KSR2: variants seen among roughly 807,000 people sequenced by gnomAD.
The protein encoded by KSR2 is kinase suppressor of ras 2.
KSR2 carries 25 observed loss-of-function variants against 107.8 expected under a neutral mutation model. That is an observed-to-expected ratio of 0.23 (90% CI 0.17 to 0.32). The LOEUF (loss-of-function observed/expected upper bound fraction) is 0.32, where lower values mean the gene tolerates loss of function less well. Among genes scored for constraint, KSR2 ranks in the 10% least tolerant of loss-of-function variants. The pLI is 1.00. For synonymous variants in KSR2, 480 were observed against 507.0 expected (o/e 0.95, Z 0.71); for missense variants, 887 against 1,268.9 (o/e 0.70, Z 4.57).
At chr12:117,594,611 A>G (rs547265231) in intron 5 of KSR2, among the ~76,000 whole-genome samples, 5 of 152,308 alleles carry the variant, frequency 3.3e-5, no homozygotes, top group East Asian at 1.9e-4. Context: ...CTCTGCTGCA[A>G]CAGGGCCATG....
chr12:117,590,635 C>G (rs905874479), intron 5 of KSR2, among the ~76,000 whole-genome samples: 1 of 152,144 alleles, frequency 6.6e-6, no homozygotes, highest in African/African-American at 2.4e-5. Flanking sequence ...TCTGTACGGA[C>G]TATGACTTAG....
At chr12:117,837,035 G>A (rs1477025063) in intron 3 of KSR2, among the ~76,000 whole-genome samples, 1 of 152,188 alleles carries the variant, frequency 6.6e-6, no homozygotes, top group Non-Finnish European at 1.5e-5. Flanking sequence ...GTCTTGCAGT[G>A]TGGCAGGGAG....
chr12:117,558,635 G>GTGGGTGGATGAATGGATGGATGGGTGGA (rs1328428465), intron 7 of KSR2, 62 bp from the exon 8 acceptor site: 4 of 1,264,540 alleles, frequency 3.2e-6, no homozygotes. Flanking sequence ...GGGTAGGTGG[G>GTGGGTGGATGAATGGATGGATGGGTGGA]TGGGTGGATG....
At chr12:117,618,279 G>GCC (rs1881990311) in intron 5 of KSR2, among the ~76,000 whole-genome samples, 1 of 151,926 alleles carries the variant, frequency 6.6e-6, no homozygotes, top group Non-Finnish European at 1.5e-5. Flanking sequence ...TCAGAGTGTA[G>GCC]CCCCTCAGAG....
intron 3 of KSR2, among the ~76,000 whole-genome samples, chr12:117,829,159 C>A (rs1242736346): frequency 6.6e-6 from 1 of 152,122 alleles, no homozygotes; most frequent in Non-Finnish European, 1.5e-5. Flanking sequence ...CACCTCCCTC[C>A]CCAGTCTCAT....
intron 3 of KSR2, among the ~76,000 whole-genome samples, chr12:117,767,534 T>C (rs1889283094): frequency 1.3e-5 from 2 of 151,728 alleles, no homozygotes; most frequent in African/African-American, 4.8e-5. Flanking sequence ...GGCACAGTGG[T>C]TCACAATGTA....
At chr12:117,725,992 T>C (rs374302289) in intron 4 of KSR2, among the ~76,000 whole-genome samples, 16 of 151,758 alleles carry the variant, frequency 1.1e-4, no homozygotes, top group Middle Eastern at 3.4e-3. Context: ...CATGGTGAAG[T>C]CCCATCTCTA....
intron 1 of KSR2, among the ~76,000 whole-genome samples, chr12:117,916,080 G>C (rs1242851573): frequency 6.6e-6 from 1 of 151,540 alleles, no homozygotes; most frequent in Non-Finnish European, 1.5e-5. Flanking sequence ...TGAATTCTTG[G>C]GGGTCTAAAA....
rs1555257395 is a variant in KSR2 at position 117,923,667 on chromosome 12, A to ATATG, written c.180+44408_180+44409insCATA. Among the ~76,000 whole-genome samples, 54 of 150,860 alleles carry ATATG rather than the reference A, an allele frequency of 3.6e-4. 1 individual carries two copies. The East Asian group carries it at 4.3e-3, about 12-fold the overall frequency. ...TTTGAGATACTGTCTTAAAATATAT[A>ATATG]TGTGTGTGTGTGTGTGTGTATGTAT... is the stretch of plus-strand genomic sequence containing the variant. On this transcript the variant is annotated intron_variant, in intron 1 of 19. Coordinates refer to ENST00000339824, the MANE Select transcript of KSR2 (RefSeq NM_173598.6).
intron 4 of KSR2, among the ~76,000 whole-genome samples, chr12:117,741,667 C>A (rs550693437): frequency 5.3e-5 from 8 of 152,252 alleles, no homozygotes; most frequent in African/African-American, 1.9e-4. Flanking sequence ...ATCTTAAACT[C>A]CTGGTCTTGA....
intron 1 of KSR2, among the ~76,000 whole-genome samples, chr12:117,865,219 G>T (rs1001986869): frequency 6.6e-6 from 1 of 152,096 alleles, no homozygotes; most frequent in Non-Finnish European, 1.5e-5. Flanking sequence ...CTTTTAATCG[G>T]ATAGAAAACT....
chr12:117,629,077 G>A (rs1882680727), intron 5 of KSR2, among the ~76,000 whole-genome samples: 1 of 152,228 alleles, frequency 6.6e-6, no homozygotes, highest in African/African-American at 2.4e-5. Flanking sequence ...TATTTGGGTG[G>A]GAGTGTCCTG....
chr12:117,707,741 T>C (rs1312314578), intron 4 of KSR2, among the ~76,000 whole-genome samples: 2 of 152,282 alleles, frequency 1.3e-5, no homozygotes, highest in African/African-American at 2.4e-5. Context: ...CGGAGAGTCA[T>C]CTAGACTAGC....
In KSR2 at chr12:117,852,835, G is replaced by A. The variant is rs570424481; in HGVS notation, c.472+2593C>T. Reference sequence around the variant, plus strand: ...TTTTTTGTTTTTGAAATGGAGTCTCGCTGTCACCCAGGCTGCAGTGCAGTG... The same window carrying A: ...TTTTTTGTTTTTGAAATGGAGTCTCACTGTCACCCAGGCTGCAGTGCAGTG... On this transcript the variant is annotated intron_variant, in intron 3 of 19. Transcript: ENST00000339824. 2.5e-4 allele frequency among the ~76,000 whole-genome samples: 38 copies of A among 151,992 alleles called. 1 individual carries two copies. The East Asian group carries it at 3.3e-3, about 13-fold the overall frequency.
intron 1 of KSR2, among the ~76,000 whole-genome samples, chr12:117,902,984 T>C (rs1894734593): frequency 6.6e-6 from 1 of 152,212 alleles, no homozygotes; most frequent in Admixed American, 6.5e-5. Context: ...CTGTTGTCTT[T>C]ACTTCATAGG....
At chr12:117,610,198 T>C (rs1881516366) in intron 5 of KSR2, among the ~76,000 whole-genome samples, 1 of 152,202 alleles carries the variant, frequency 6.6e-6, no homozygotes, top group Non-Finnish European at 1.5e-5. Flanking sequence ...TATAGGATAA[T>C]TTGGCAATAT....
chr12:117,605,432 C>T (rs1881171668), intron 5 of KSR2, among the ~76,000 whole-genome samples: 1 of 152,154 alleles, frequency 6.6e-6, no homozygotes, highest in Non-Finnish European at 1.5e-5. Flanking sequence ...GCAGGATGTA[C>T]AGGCTTGTTA....
chr12:117,833,082 CCTAAGTTCTGAGCA>C (rs1566037978), intron 3 of KSR2, among the ~76,000 whole-genome samples: 1 of 152,164 alleles, frequency 6.6e-6, no homozygotes, highest in African/African-American at 2.4e-5. Flanking sequence ...GTGGTTTCAC[CCTAAGTTCTGAGCA>C]CAATGCTGGC....
chr12:117,684,790 C>A (rs764671365), intron 4 of KSR2, among the ~76,000 whole-genome samples: 1 of 152,162 alleles, frequency 6.6e-6, no homozygotes, highest in Non-Finnish European at 1.5e-5. Context: ...AGGTAACCGG[C>A]GTTCCCAATA....
Sources: gnomAD v4.1 joint callset for allele counts (sites outside exome capture counted in the v4.1 genomes callset) on GRCh38, gnomAD v4.1.1 for gene constraint, MANE v1.5 for transcripts, NCBI Gene and HGNC (gene_info 2026-07-23, HGNC 2026-07-21) for gene names.